RASGEF1B: variants seen among roughly 807,000 people sequenced by gnomAD.
The protein encoded by RASGEF1B is ras-GEF domain-containing family member 1B.
In RASGEF1B, 30 loss-of-function variants were observed where a neutral mutation model predicts 65.7. The observed-to-expected ratio is 0.46, with a 90% CI of 0.34 to 0.62. The LOEUF is 0.62. Among genes scored for constraint, RASGEF1B ranks in the 20% least tolerant of loss-of-function variants. The pLI, the probability that RASGEF1B is intolerant of heterozygous loss-of-function variation, is 0.01. For synonymous variants in RASGEF1B, 175 were observed against 194.8 expected, an observed-to-expected ratio of 0.90 and a Z score of 0.85; for missense variants, 495 against 580.1, an observed-to-expected ratio of 0.85 and a Z score of 1.51.
intron 12 of RASGEF1B, among the ~76,000 whole-genome samples, chr4:81,433,383 G>A (rs1721500836): frequency 6.6e-6 from 1 of 151,708 alleles, no homozygotes; most frequent in Non-Finnish European, 1.5e-5. Context: ...ATTTTTTTCT[G>A]TATCTAATCT....
intron 4 of RASGEF1B, chr4:81,454,352 G>C (rs998230237): frequency 6.6e-6 from 1 of 152,142 alleles, no homozygotes; most frequent in Admixed American, 6.5e-5. Context: ...CTTTTGGAAA[G>C]AACTAAGTTA....
Position 81,427,531 on chromosome 4 carries a change from T to C in RASGEF1B, c.*237A>G. ...AGAGCCGGGATTTTTAGAGGATTCT[T>C]TCTCAAGTGTCTTCAGTGAACATTT... is the stretch of plus-strand genomic sequence containing the variant. On this transcript the variant is annotated 3_prime_UTR_variant, in exon 14 of 14. Coordinates refer to ENST00000264400, the MANE Select transcript of RASGEF1B (RefSeq NM_152545.3). The C allele has an allele frequency of 2.1e-6, 1 of 465,698 alleles. No individual in the cohort carries two copies. The highest frequency in any genetic ancestry group is 3.8e-6 in the Non-Finnish European group (1 of 265,230). The allele number at this position is 465,698 out of a possible 1,614,324, so 28.8% of individuals were successfully genotyped here.
chr4:81,434,001 TA>T (rs111822559), intron 11 of RASGEF1B, 38 bp from the exon 12 acceptor site: 5 of 1,564,130 alleles, frequency 3.2e-6, no homozygotes, highest in East Asian at 2.2e-5. Context: ...AAGGTGATCA[TA>T]AAAAAATAAT....
At chr4:81,449,098 C>T (rs907219006) in intron 4 of RASGEF1B, among the ~76,000 whole-genome samples, 3 of 152,182 alleles carry the variant, frequency 2.0e-5, no homozygotes, top group African/African-American at 7.2e-5. Flanking sequence ...AGGCATAAGC[C>T]ACCGCGTCTG....
At chr4:81,446,539 A>C (rs139463902) in intron 6 of RASGEF1B, among the ~76,000 whole-genome samples, 1 of 152,224 alleles carries the variant, frequency 6.6e-6, no homozygotes, top group Non-Finnish European at 1.5e-5. Flanking sequence ...AAAATGGCTA[A>C]GAGTACAGAG....
At chr4:81,466,770 A>AGAAAGAAAGAAAGAAAGAAAGAAGG (rs1553947089) in intron 1 of RASGEF1B, among the ~76,000 whole-genome samples, 2 of 36,096 alleles carry the variant, frequency 5.5e-5, no homozygotes, top group African/African-American at 1.9e-4. Flanking sequence ...AAAAAAAAAA[A>AGAAAGAAAGAAAGAAAGAAAGAAGG]AAAGAAAGAA....
chr4:81,442,459 T>G (rs1721874612), intron 8 of RASGEF1B, 83 bp from the exon 9 acceptor site: 1 of 764,520 alleles, frequency 1.3e-6, no homozygotes, highest in Non-Finnish European at 2.3e-6. Flanking sequence ...ACTTCTAAAA[T>G]ACTTTCATTA....
rs771444389 is a variant in RASGEF1B, at chr4:81,448,063, C to T, written c.654+6G>A. ...TTGTAAAGGGCAATGATGATAACGG[C>T]CTTACCAGCTCTATATGAGTCAGCT... On this transcript the variant is annotated splice_donor_region_variant and intron_variant, in intron 5 of 13. Coordinates refer to ENST00000264400, the MANE Select transcript of RASGEF1B (RefSeq NM_152545.3). 6.8e-6 allele frequency: 11 copies of T among 1,612,576 alleles called. No homozygotes were observed. The highest frequency in any genetic ancestry group is 8.5e-6 in the Non-Finnish European group (10 of 1,178,694).
At chr4:81,450,625 G>C (rs552962781) in intron 4 of RASGEF1B, among the ~76,000 whole-genome samples, 2 of 151,932 alleles carry the variant, frequency 1.3e-5, no homozygotes, top group Admixed American at 6.6e-5. Context: ...GGATGGTCTC[G>C]AACTCCTGAC....
intron 12 of RASGEF1B, 92 bp downstream of exon 12, chr4:81,433,748 C>T: frequency 7.5e-7 from 1 of 1,330,182 alleles, no homozygotes; most frequent in Non-Finnish European, 1.1e-6. Flanking sequence ...GGACAGGCCT[C>T]ATTACTATAT....
At chr4:81,432,152 T>G (rs1409669100) in intron 13 of RASGEF1B, 147 bp downstream of exon 13, 3 of 493,038 alleles carry the variant, frequency 6.1e-6, no homozygotes, top group Non-Finnish European at 7.2e-6. Context: ...GTGAGAATTC[T>G]GAGCCACAAA....
In RASGEF1B at chr4:81,457,468, C is replaced by T. The variant is rs1344003294; in HGVS notation, c.300+31G>A. On this transcript the variant is annotated intron_variant, in intron 3 of 13. Transcript: ENST00000264400. ...AAATCTAAGCCATAAAGTAAGCATT[C>T]CTAATAAAACAAATTGTAATGTACC... 1.9e-6 allele frequency: 3 copies of T among 1,607,728 alleles called. No individual in the cohort carries two copies. In the Admixed American group the frequency reaches 5.1e-5, roughly 27 times the overall value.
chr4:81,465,553 A>T (rs974495037), intron 1 of RASGEF1B, among the ~76,000 whole-genome samples: 1 of 152,228 alleles, frequency 6.6e-6, no homozygotes, highest in Admixed American at 6.5e-5. Flanking sequence ...TCAGCCTGAC[A>T]TTGATCCAGC....
intron 13 of RASGEF1B, among the ~76,000 whole-genome samples, chr4:81,430,098 G>A (rs554874623): frequency 6.6e-6 from 1 of 152,282 alleles, no homozygotes; most frequent in South Asian, 2.1e-4. Context: ...TCAGGAGATC[G>A]AGACTATCCT....
rs748675949 is a variant in RASGEF1B, at chr4:81,448,130, T to G, written c.593A>C (p.Asp198Ala). 130 of 1,614,060 alleles carry G rather than the reference T, an allele frequency of 8.1e-5. No homozygotes were observed. The highest frequency in any genetic ancestry group is 1.1e-4 in the Non-Finnish European group (124 of 1,180,038). The change falls in exon 5 of 14, where the codon GAT (aspartate) becomes GCT (alanine). Residue 198 changes from aspartate to alanine, a missense_variant. By Grantham distance (126) the Asp-to-Ala change is moderately radical (BLOSUM62 -2). Transcript: ENST00000264400. The stretch of plus-strand genomic sequence containing the variant: ...AGGGTCGTTGCAGACAGTAATGATA[T>G]CCCTTTGTATAGACTGTGGCTTGGT... ...LKTKPQSIQR[D>A]IITVCNDPYT... is the part of the protein sequence containing the mutation.
intron 4 of RASGEF1B, chr4:81,456,362 A>C (rs1722439956): frequency 1.7e-6 from 1 of 597,614 alleles, no homozygotes; most frequent in African/African-American, 1.9e-5. Context: ...GAAAAAAGGT[A>C]AAAGTAAAGT....
At position 81,448,191 on chromosome 4, in the gene RASGEF1B, T is replaced by A; in HGVS notation, c.532A>T (p.Ser178Cys). 6.2e-7 allele frequency: 1 copy of A among 1,614,122 alleles called. No homozygotes were observed. The highest frequency in any genetic ancestry group is 1.1e-5 in the South Asian group (1 of 91,078). Residue 178 changes from serine to cysteine, a missense_variant, in exon 5 of 14, where the codon AGC becomes TGC. Transcript: ENST00000264400. ...GTGAGCCGATCTGTGGATGTGGAGC[T>A]GATTTTTGCCAGGACTTCTTCGTAC... ...SQYEEVLAKI[S>C]STSTDRLTVL...
rs1445978333 is a variant in RASGEF1B at position 81,426,937 on chromosome 4, A to G, written c.*831T>C. ...AAGTAACAAAAAGCTATTGAAAAAT[A>G]CATCTGTGGAACACAGTGGTCAGTT... is the stretch of plus-strand genomic sequence containing the variant. On this transcript the variant is annotated 3_prime_UTR_variant, in exon 14 of 14. Coordinates refer to ENST00000264400, the MANE Select transcript of RASGEF1B (RefSeq NM_152545.3). The G allele has an allele frequency of 6.6e-6, 1 of 151,110 alleles. No individual in the cohort carries two copies. The highest frequency in any genetic ancestry group is 1.5e-5 in the Non-Finnish European group (1 of 67,836). The allele number at this position is 151,110 out of a possible 1,614,324, so 9.4% of individuals were successfully genotyped here.
intron 3 of RASGEF1B, 66 bp downstream of exon 3, chr4:81,457,433 C>G: frequency 6.4e-7 from 1 of 1,572,636 alleles, no homozygotes; most frequent in Non-Finnish European, 8.7e-7. Flanking sequence ...CTTAAGGAAC[C>G]AACTTCACAA....
Sources: allele counts gnomAD v4.1 joint callset (sites outside exome capture counted in the v4.1 genomes callset), GRCh38; gene constraint gnomAD v4.1.1; transcripts MANE v1.5; gene names NCBI Gene and HGNC (gene_info 2026-07-23, HGNC 2026-07-21).